AUTS2: variants seen among roughly 807,000 people sequenced by gnomAD.
AUTS2 encodes the protein autism susceptibility gene 2 protein.
A neutral mutation model predicts 112.4 loss-of-function variants in AUTS2; 17 were observed. The observed-to-expected ratio is 0.15, with a 90% CI of 0.10 to 0.23. The LOEUF (loss-of-function observed/expected upper bound fraction) is 0.23, where lower values mean the gene tolerates loss of function less well. AUTS2 is among the 10% of genes least tolerant of loss of function. The probability of loss-of-function intolerance (pLI) is 1.00; values close to 1 mark genes in which losing one functional copy is unlikely to be tolerated. For synonymous variants in AUTS2, 751 were observed against 702.7 expected, an observed-to-expected ratio of 1.07 and a Z score of -1.09; for missense variants, 1,510 against 1,701.6, an observed-to-expected ratio of 0.89 and a Z score of 1.98.
At chr7:70,603,758 A>C (rs1401724246) in intron 5 of AUTS2, among the ~76,000 whole-genome samples, 1 of 152,198 alleles carries the variant, frequency 6.6e-6, no homozygotes, top group Non-Finnish European at 1.5e-5. Flanking sequence ...TTTTAAGGAG[A>C]TATTTTGCCA....
chr7:70,219,028 C>T (rs1584891755), intron 4 of AUTS2, among the ~76,000 whole-genome samples: 1 of 152,276 alleles, frequency 6.6e-6, no homozygotes, highest in East Asian at 1.9e-4. Flanking sequence ...ACAGAGTAAA[C>T]AGTAGCTTGT....
At chr7:70,568,389 A>G (rs139511872) in intron 5 of AUTS2, among the ~76,000 whole-genome samples, 2 of 152,298 alleles carry the variant, frequency 1.3e-5, no homozygotes, top group African/African-American at 4.8e-5. Flanking sequence ...TGAGGATTGA[A>G]TGGGATATAC....
intron 2 of AUTS2, among the ~76,000 whole-genome samples, chr7:70,074,952 T>C (rs1423846957): frequency 6.6e-6 from 1 of 152,240 alleles, no homozygotes; most frequent in East Asian, 1.9e-4. Context: ...GAGCTCAGTA[T>C]TTCATGTACT....
At chr7:70,210,056 G>T (rs1810775230) in intron 4 of AUTS2, among the ~76,000 whole-genome samples, 1 of 152,090 alleles carries the variant, frequency 6.6e-6, no homozygotes, top group Non-Finnish European at 1.5e-5. Context: ...TGACATTGGG[G>T]TATAGGAATT....
chr7:69,947,694 A>G (rs1388310189), intron 2 of AUTS2, among the ~76,000 whole-genome samples: 1 of 152,208 alleles, frequency 6.6e-6, no homozygotes, highest in Non-Finnish European at 1.5e-5. Flanking sequence ...GCCATTTTAA[A>G]GATAAATTTG....
At chr7:70,785,914 A>T in intron 16 of AUTS2, 41 bp from the exon 17 acceptor site, 1 of 1,596,762 alleles carries the variant, frequency 6.3e-7, no homozygotes, top group Non-Finnish European at 8.6e-7. Flanking sequence ...CTCTCCCAGC[A>T]GAGCCCCTGA....
chr7:69,817,055 A>G (rs576745637), intron 1 of AUTS2, among the ~76,000 whole-genome samples: 1 of 152,272 alleles, frequency 6.6e-6, no homozygotes, highest in Admixed American at 6.5e-5. Flanking sequence ...TCCTTTAAAC[A>G]GTGCTCTGGA....
chr7:70,263,798 G>T (rs1423963877), intron 4 of AUTS2, among the ~76,000 whole-genome samples: 1 of 152,164 alleles, frequency 6.6e-6, no homozygotes, highest in Non-Finnish European at 1.5e-5. Flanking sequence ...GCATGGAAAG[G>T]TATCATAATT....
chr7:69,634,127 T>TA (rs1794407731), intron 1 of AUTS2, among the ~76,000 whole-genome samples: 1 of 151,434 alleles, frequency 6.6e-6, no homozygotes, highest in Non-Finnish European at 1.5e-5. Context: ...TGATTATTAT[T>TA]TTTTTTTTTT....
intron 5 of AUTS2, among the ~76,000 whole-genome samples, chr7:70,572,671 C>G (rs1383101669): frequency 6.6e-6 from 1 of 152,066 alleles, no homozygotes; most frequent in African/African-American, 2.4e-5. Context: ...GTAAGAAAGG[C>G]TTTCTAGTCC....
intron 5 of AUTS2, among the ~76,000 whole-genome samples, chr7:70,629,733 C>G (rs1382982604): frequency 2.0e-5 from 3 of 152,038 alleles, no homozygotes; most frequent in African/African-American, 7.2e-5. Flanking sequence ...CCAGCCCCAC[C>G]TAATTCTAAA....
At chr7:70,007,553 T>C (rs1344127521) in intron 2 of AUTS2, among the ~76,000 whole-genome samples, 3 of 152,220 alleles carry the variant, frequency 2.0e-5, no homozygotes, top group Non-Finnish European at 4.4e-5. Context: ...ACATTTATTA[T>C]GTGATAGTCA....
chr7:70,736,082 T>C (rs1042396119), intron 6 of AUTS2, among the ~76,000 whole-genome samples: 1 of 152,088 alleles, frequency 6.6e-6, no homozygotes, highest in Non-Finnish European at 1.5e-5. Flanking sequence ...ATCATAACAC[T>C]GTTAATAGAC....
At chr7:70,499,790 T>C (rs888456411) in intron 5 of AUTS2, among the ~76,000 whole-genome samples, 1 of 152,214 alleles carries the variant, frequency 6.6e-6, no homozygotes, top group Non-Finnish European at 1.5e-5. Context: ...TGTAGAATTG[T>C]TAGTTTACAG....
chr7:70,790,949 A>C lies in AUTS2; in HGVS notation c.3733A>C (p.Arg1245=). Reference sequence around the variant, plus strand: ...GACGACTCCTCTGTCCGCAGAGATAAGGGAGAGGCCCCCTTCCCACACGCT... The same window carrying C: ...GACGACTCCTCTGTCCGCAGAGATACGGGAGAGGCCCCCTTCCCACACGCT... ...RRTTPLSAEI[R]ERPPSHTLKD... is the part of the protein sequence containing the mutation. Residue 1245 remains arginine (R), a synonymous_variant, in exon 19 of 19, where the codon AGG becomes CGG. Transcript: ENST00000342771. This position sits in a 1 kb window ranked among gnomAD's most constrained non-coding sequence, Gnocchi z 7.6. 2.0e-6 allele frequency: 3 copies of C among 1,518,098 alleles called. No homozygotes were observed. Among genetic ancestry groups the C allele is most frequent in the Non-Finnish European group, 1.8e-6 (2 of 1,133,432 alleles). 94.0% of individuals were successfully genotyped at this position (1,518,098 alleles called of 1,614,324 possible).
intron 18 of AUTS2, among the ~76,000 whole-genome samples, chr7:70,788,890 T>C (rs766422507): frequency 5.9e-5 from 9 of 152,166 alleles, no homozygotes; most frequent in Admixed American, 2.0e-4. Flanking sequence ...TTAACTCAAG[T>C]TTTACCTTAT....
intron 2 of AUTS2, among the ~76,000 whole-genome samples, chr7:70,035,581 T>A (rs977115321): frequency 1.3e-5 from 2 of 152,238 alleles, no homozygotes; most frequent in Non-Finnish European, 2.9e-5. Context: ...TGGACTCTTG[T>A]ACTTTAGTAT....
At chr7:69,827,408 A>G (rs970320685) in intron 1 of AUTS2, among the ~76,000 whole-genome samples, 1 of 152,134 alleles carries the variant, frequency 6.6e-6, no homozygotes, top group Non-Finnish European at 1.5e-5. Flanking sequence ...TATCCTGCGT[A>G]GATGGATTGT....
At chr7:70,576,229 T>C (rs1254073634) in intron 5 of AUTS2, among the ~76,000 whole-genome samples, 1 of 152,108 alleles carries the variant, frequency 6.6e-6, no homozygotes, top group African/African-American at 2.4e-5. Flanking sequence ...TGCCCCAAGT[T>C]CAAGGCCTAC....
Sources: allele counts gnomAD v4.1 joint callset (sites outside exome capture counted in the v4.1 genomes callset), GRCh38; gene constraint gnomAD v4.1.1; non-coding constraint Gnocchi (gnomAD v3.1); transcripts MANE v1.5; gene names NCBI Gene and HGNC (gene_info 2026-07-23, HGNC 2026-07-21).